Variants in HS6ST3 observed in about 807,000 individuals in gnomAD.
HS6ST3 encodes the protein heparan-sulfate 6-O-sulfotransferase 3.
In HS6ST3, 12 loss-of-function variants were observed where a neutral mutation model predicts 36.7. The ratio of observed to expected loss-of-function variants is 0.33; its 90% CI spans 0.21 to 0.53. The LOEUF is 0.53. HS6ST3 is among the 20% of genes least tolerant of loss of function. The probability of loss-of-function intolerance (pLI) is 0.95; values close to 1 mark genes in which losing one functional copy is unlikely to be tolerated. For missense variants in HS6ST3, 584 were observed against 640.9 expected, an observed-to-expected ratio of 0.91 and a Z score of 0.96; for synonymous variants, 240 against 257.5, an observed-to-expected ratio of 0.93 and a Z score of 0.65.
At chr13:96,219,689 CTTT>C (rs879763852) in intron 1 of HS6ST3, among the ~76,000 whole-genome samples, 1 of 146,570 alleles carries the variant, frequency 6.8e-6, no homozygotes. Flanking sequence ...GATTCTCTTT[CTTT>C]TTTTTTTTTG....
chr13:96,292,414 G>A (rs2054834613), intron 1 of HS6ST3, among the ~76,000 whole-genome samples: 1 of 151,964 alleles, frequency 6.6e-6, no homozygotes, highest in African/African-American at 2.4e-5. Flanking sequence ...ATGGATTTGA[G>A]GGGGTGTGTC....
chr13:96,254,350 G>A (rs2139378947), intron 1 of HS6ST3, among the ~76,000 whole-genome samples: 1 of 143,636 alleles, frequency 7.0e-6, no homozygotes, highest in East Asian at 2.1e-4. Context: ...GGAGGCAGAG[G>A]GTGCAGTGAG....
chr13:96,709,755 C>T (rs1187769929), intron 1 of HS6ST3, among the ~76,000 whole-genome samples: 1 of 152,192 alleles, frequency 6.6e-6, no homozygotes, highest in Non-Finnish European at 1.5e-5. Flanking sequence ...GCCCCCCAGG[C>T]TGTGGTAGTT....
chr13:96,557,376 G>T (rs1325261346), intron 1 of HS6ST3, among the ~76,000 whole-genome samples: 1 of 152,182 alleles, frequency 6.6e-6, no homozygotes, highest in Non-Finnish European at 1.5e-5. Flanking sequence ...GCCACTGATC[G>T]ATGAGCTGAA....
chr13:96,566,697 G>A (rs1264052981), intron 1 of HS6ST3, among the ~76,000 whole-genome samples: 1 of 152,134 alleles, frequency 6.6e-6, no homozygotes, highest in African/African-American at 2.4e-5. Context: ...TAGCTGTGGT[G>A]TAAACAATAG....
chr13:96,300,892 C>T (rs530200645), intron 1 of HS6ST3, among the ~76,000 whole-genome samples: 116 of 152,156 alleles, frequency 7.6e-4, no homozygotes, highest in Non-Finnish European at 1.5e-3. Context: ...CAACATTTTG[C>T]GTAACATCAA....
At chr13:96,217,441 C>A (rs1408010641) in intron 1 of HS6ST3, among the ~76,000 whole-genome samples, 1 of 152,128 alleles carries the variant, frequency 6.6e-6, no homozygotes, top group East Asian at 1.9e-4. Flanking sequence ...TTAGATAATA[C>A]CCAGGGTTTG....
chr13:96,255,542 C>T (rs964276579), intron 1 of HS6ST3, among the ~76,000 whole-genome samples: 4 of 152,104 alleles, frequency 2.6e-5, no homozygotes, highest in African/African-American at 9.7e-5. Flanking sequence ...TTCTAGGGCT[C>T]TCAACTTCAC....
chr13:96,287,133 A>G (rs764031241), intron 1 of HS6ST3, among the ~76,000 whole-genome samples: 13 of 152,202 alleles, frequency 8.5e-5, no homozygotes, highest in African/African-American at 2.4e-5. Context: ...CAGCAGCCAC[A>G]GTCCCTAATT....
intron 1 of HS6ST3, among the ~76,000 whole-genome samples, chr13:96,692,639 C>T (rs950445689): frequency 6.6e-6 from 1 of 152,156 alleles, no homozygotes; most frequent in Non-Finnish European, 1.5e-5. Context: ...AATTCAGCAG[C>T]ATCTATTTTT....
At chr13:96,552,852 G>A (rs1343710429) in intron 1 of HS6ST3, among the ~76,000 whole-genome samples, 3 of 152,196 alleles carry the variant, frequency 2.0e-5, no homozygotes, top group Admixed American at 1.3e-4. Context: ...AAGGGGATTA[G>A]TAAGGCAGAA....
At chr13:96,715,155 A>G (rs968566207) in intron 1 of HS6ST3, among the ~76,000 whole-genome samples, 2 of 152,212 alleles carry the variant, frequency 1.3e-5, no homozygotes, top group African/African-American at 2.4e-5. Context: ...AGGGCTACAT[A>G]TATCACGATG....
intron 1 of HS6ST3, among the ~76,000 whole-genome samples, chr13:96,098,195 C>T (rs1213309047): frequency 1.3e-5 from 2 of 152,154 alleles, no homozygotes; most frequent in Non-Finnish European, 2.9e-5. Context: ...ATGTATTTGC[C>T]TCTTGAAAAG....
At chr13:96,266,118 G>C (rs2054691264) in intron 1 of HS6ST3, among the ~76,000 whole-genome samples, 1 of 152,116 alleles carries the variant, frequency 6.6e-6, no homozygotes, top group Non-Finnish European at 1.5e-5. Flanking sequence ...TTTTAGTCTA[G>C]TCTGAATTTA....
At chr13:96,118,117 C>T (rs1024073624) in intron 1 of HS6ST3, among the ~76,000 whole-genome samples, 3 of 152,002 alleles carry the variant, frequency 2.0e-5, no homozygotes, top group Non-Finnish European at 1.5e-5. Flanking sequence ...AGTGATCCAC[C>T]CACATTGGCC....
At chr13:96,699,042 G>T (rs1040078556) in intron 1 of HS6ST3, among the ~76,000 whole-genome samples, 5 of 152,188 alleles carry the variant, frequency 3.3e-5, no homozygotes, top group Non-Finnish European at 5.9e-5. Context: ...AAACTGGCTA[G>T]CCATATGTAG....
At chr13:96,434,369 A>G (rs902476712) in intron 1 of HS6ST3, among the ~76,000 whole-genome samples, 1 of 152,184 alleles carries the variant, frequency 6.6e-6, no homozygotes, top group Admixed American at 6.5e-5. Context: ...TTTGCTGTTC[A>G]TCAATGCTAA....
intron 1 of HS6ST3, among the ~76,000 whole-genome samples, chr13:96,527,487 T>TA (rs1403793027): frequency 6.6e-6 from 1 of 152,176 alleles, no homozygotes; most frequent in Admixed American, 6.5e-5. Flanking sequence ...AGCCAATAAA[T>TA]ACACAATGTA....
In HS6ST3 at chr13:96,173,669, T is replaced by TAAAAAAAAAAAAAAAAAAAAAAAAA. The variant is rs5805954; in HGVS notation, c.707+82124_707+82125insAAAAAAAAAAAAAAAAAAAAAAAAA. Among the ~76,000 whole-genome samples, 3 of 94,862 alleles carry TAAAAAAAAAAAAAAAAAAAAAAAAA rather than the reference T, an allele frequency of 3.2e-5. 1 individual carries two copies. The highest frequency in any genetic ancestry group is 4.2e-5 in the African/African-American group (1 of 24,038). 62.2% of individuals were successfully genotyped at this position (94,862 alleles called of 152,430 possible). On this transcript the variant is annotated intron_variant, in intron 1 of 1. Coordinates refer to ENST00000376705, the MANE Select transcript of HS6ST3 (RefSeq NM_153456.4). ...TTTGAATAGGCAGAGTCACAGGTTG[T>TAAAAAAAAAAAAAAAAAAAAAAAAA]AAAAAAAAAAAAAAAAAAAAAAAAT...
Sources: allele counts gnomAD v4.1 joint callset (sites outside exome capture counted in the v4.1 genomes callset), GRCh38; gene constraint gnomAD v4.1.1; transcripts MANE v1.5; gene names NCBI Gene and HGNC (gene_info 2026-07-23, HGNC 2026-07-21).